The following EPHA3 variants were observed in gnomAD, a reference collection of about 807,000 sequenced individuals.
EPHA3 encodes the protein EPH receptor A3.
EPHA3 carries 42 observed loss-of-function variants against 107.1 expected under a neutral mutation model. The observed-to-expected ratio is 0.39, with a 90% CI of 0.31 to 0.51. The LOEUF (loss-of-function observed/expected upper bound fraction) is 0.51. EPHA3 is among the 20% of genes least tolerant of loss of function. EPHA3 has a pLI of 0.78. For synonymous variants in EPHA3, 461 were observed against 424.8 expected (o/e 1.09, Z -1.05); for missense variants, 1,183 against 1,211.2 (o/e 0.98, Z 0.35).
chr3:89,176,348 G>A (rs1312389106), intron 2 of EPHA3, among the ~76,000 whole-genome samples: 1 of 151,558 alleles, frequency 6.6e-6, no homozygotes, highest in Non-Finnish European at 1.5e-5. Context: ...AGCTGGGTGC[G>A]GTGGTGCATG....
At chr3:89,235,581 A>T (rs1233163494) in intron 3 of EPHA3, among the ~76,000 whole-genome samples, 1 of 151,952 alleles carries the variant, frequency 6.6e-6, no homozygotes, top group Non-Finnish European at 1.5e-5. Flanking sequence ...CTGTATTGAG[A>T]TTTTTCTTAG....
chr3:89,236,611 TG>T, intron 3 of EPHA3, among the ~76,000 whole-genome samples: 1 of 147,744 alleles, frequency 6.8e-6, no homozygotes, highest in Middle Eastern at 3.4e-3. Context: ...GGGATAGCAT[TG>T]GGAGATATAC....
At chr3:89,399,949 C>G (rs1708925063) in intron 7 of EPHA3, 1 of 1,050,106 alleles carries the variant, frequency 9.5e-7, no homozygotes, top group Non-Finnish European at 1.1e-6. Flanking sequence ...TGTTTTATCA[C>G]TTCATTCACA....
intron 3 of EPHA3, among the ~76,000 whole-genome samples, chr3:89,283,720 C>T (rs991504724): frequency 1.5e-4 from 23 of 152,144 alleles, no homozygotes; most frequent in Non-Finnish European, 2.6e-4. Context: ...TTGCACAGCA[C>T]GGTGAAACAC....
At chr3:89,162,149 C>T (rs530436922) in intron 2 of EPHA3, among the ~76,000 whole-genome samples, 28 of 151,944 alleles carry the variant, frequency 1.8e-4, no homozygotes, top group African/African-American at 6.0e-4. Context: ...AGCAGGAATG[C>T]TTGAGGCTGA....
intron 3 of EPHA3, among the ~76,000 whole-genome samples, chr3:89,267,002 G>C (rs1176444115): frequency 1.3e-5 from 2 of 152,050 alleles, no homozygotes; most frequent in Admixed American, 6.6e-5. Flanking sequence ...AAATGAAATT[G>C]TCTAATGTTT....
chr3:89,238,414 C>T (rs1449325276), intron 3 of EPHA3, among the ~76,000 whole-genome samples: 1 of 152,078 alleles, frequency 6.6e-6, no homozygotes, highest in Non-Finnish European at 1.5e-5. Context: ...GGTATGTGAG[C>T]CCAATTTTGA....
chr3:89,280,943 T>G (rs1705932088), intron 3 of EPHA3, among the ~76,000 whole-genome samples: 1 of 152,186 alleles, frequency 6.6e-6, no homozygotes, highest in South Asian at 2.1e-4. Context: ...AGGTATTATT[T>G]ACTAAATACC....
chr3:89,459,844 T>C (rs113415991), intron 15 of EPHA3, among the ~76,000 whole-genome samples: 273 of 152,184 alleles, frequency 1.8e-3, no homozygotes, highest in Non-Finnish European at 3.2e-3. Context: ...TTTTTAAAGA[T>C]TGTTCTTGAT....
chr3:89,446,292 C>T (rs1709874563), intron 13 of EPHA3, among the ~76,000 whole-genome samples: 1 of 152,020 alleles, frequency 6.6e-6, no homozygotes, highest in Non-Finnish European at 1.5e-5. Context: ...TATGATCATG[C>T]GACCACAGCA....
chr3:89,212,298 G>A (rs1252181911), intron 3 of EPHA3, among the ~76,000 whole-genome samples: 2 of 151,868 alleles, frequency 1.3e-5, no homozygotes, highest in Non-Finnish European at 2.9e-5. Context: ...TGGGATCTGG[G>A]CAGACTTGCT....
At chr3:89,305,066 C>A (rs1394966448) in intron 3 of EPHA3, among the ~76,000 whole-genome samples, 1 of 152,114 alleles carries the variant, frequency 6.6e-6, no homozygotes, top group Non-Finnish European at 1.5e-5. Flanking sequence ...GTTGGCATAG[C>A]AATTTTTATG....
chr3:89,287,573 A>C (rs1475983705), intron 3 of EPHA3, among the ~76,000 whole-genome samples: 2 of 152,106 alleles, frequency 1.3e-5, no homozygotes, highest in African/African-American at 2.4e-5. Context: ...GTATTCTGGG[A>C]ATATATATTA....
At chr3:89,115,799 G>A (rs1314076840) in intron 1 of EPHA3, among the ~76,000 whole-genome samples, 4 of 152,128 alleles carry the variant, frequency 2.6e-5, no homozygotes, top group Non-Finnish European at 4.4e-5. Context: ...ACTAAGCCAA[G>A]CCCTCTCTCG....
intron 5 of EPHA3, among the ~76,000 whole-genome samples, chr3:89,350,204 C>T (rs1175326298): frequency 6.6e-6 from 1 of 150,858 alleles, no homozygotes; most frequent in African/African-American, 2.4e-5. Flanking sequence ...TAATATCCTG[C>T]AGAGTGTTTT....
Position 89,429,126 on chromosome 3 carries a change from A to G in EPHA3, c.2095A>G (p.Thr699Ala), listed in dbSNP as rs1709511466. The change falls in exon 12 of 17, where the codon ACA becomes GCA. Residue 699 changes from threonine (T) to alanine (A), a missense_variant. Transcript: ENST00000336596. ...TCTAGGTAAGCCAGTTATGATTGTCACAGAATACATGGAGAATGGTTCCTT... is the reference window on the plus strand; with the variant it reads ...TCTAGGTAAGCCAGTTATGATTGTCGCAGAATACATGGAGAATGGTTCCTT... ...VTKSKPVMIV[T>A]EYMENGSLDS... 1.2e-6 allele frequency: 2 copies of G among 1,610,560 alleles called. No homozygotes were observed. Among genetic ancestry groups the G allele is most frequent in the Non-Finnish European group, 1.7e-6 (2 of 1,177,494 alleles).
intron 3 of EPHA3, among the ~76,000 whole-genome samples, chr3:89,222,794 G>A (rs1444648678): frequency 1.3e-5 from 2 of 152,070 alleles, no homozygotes; most frequent in Admixed American, 1.3e-4. Context: ...AATATAATAT[G>A]TATAACTTCC....
At chr3:89,125,410 A>G (rs1305764497) in intron 1 of EPHA3, among the ~76,000 whole-genome samples, 4 of 151,712 alleles carry the variant, frequency 2.6e-5, no homozygotes, top group Non-Finnish European at 5.9e-5. Context: ...AAGTATTTTC[A>G]TATTTTCAAA....
intron 3 of EPHA3, among the ~76,000 whole-genome samples, chr3:89,263,392 C>G (rs984822717): frequency 6.6e-6 from 1 of 152,164 alleles, no homozygotes; most frequent in Admixed American, 6.5e-5. Flanking sequence ...GTGTGATAGG[C>G]TTTTGTATCC....
Sources: gnomAD v4.1 joint callset for allele counts (sites outside exome capture counted in the v4.1 genomes callset) on GRCh38, gnomAD v4.1.1 for gene constraint, MANE v1.5 for transcripts, NCBI Gene and HGNC (gene_info 2026-07-23, HGNC 2026-07-21) for gene names.